The following AVEN variants were observed in gnomAD, a reference collection of about 807,000 sequenced individuals.
AVEN encodes the protein cell death regulator Aven.
AVEN carries 41 observed loss-of-function variants against 38.1 expected under a neutral mutation model. That is an observed-to-expected ratio of 1.08 (90% CI 0.84 to 1.40). The LOEUF is 1.40. AVEN is among the 40% of genes most tolerant of loss of function. The probability of loss-of-function intolerance (pLI) is 0.00; values close to 1 mark genes in which losing one functional copy is unlikely to be tolerated. For missense variants in AVEN, 605 were observed against 438.8 expected, an observed-to-expected ratio of 1.38 and a Z score of -3.38; for synonymous variants, 206 against 171.8, an observed-to-expected ratio of 1.20 and a Z score of -1.56.
At chr15:34,067,487 A>C (rs1300520956) in intron 2 of AVEN, 2 of 152,232 alleles carry the variant, frequency 1.3e-5, no homozygotes, top group Non-Finnish European at 2.9e-5. Context: ...CATTTAAATA[A>C]GAAAATTGTT....
chr15:33,971,735 T>C (rs558469719), intron 2 of AVEN, among the ~76,000 whole-genome samples: 2 of 152,212 alleles, frequency 1.3e-5, no homozygotes, highest in East Asian at 1.9e-4. Context: ...TCCATTATAA[T>C]GGCACCGTGT....
In AVEN at chr15:34,063,910, A is replaced by T. The variant is rs1250967593; in HGVS notation, n.1127-478T>A. Reference sequence around the variant, plus strand: ...AACCAGGAGACCAACAATGGCTGTCACAAGGTGAAAATCATGCCCTGCCCC... The same window carrying T: ...AACCAGGAGACCAACAATGGCTGTCTCAAGGTGAAAATCATGCCCTGCCCC... On this transcript the variant is annotated intron_variant and non_coding_transcript_variant, in intron 4 of 11. Coordinates refer to the AVEN transcript ENST00000675287. The surrounding 1 kb of genome is among the most constrained non-coding windows in gnomAD (Gnocchi z 4.1). 1.9e-6 allele frequency: 3 copies of T among 1,614,210 alleles called. No homozygotes were observed. The highest frequency in any genetic ancestry group is 2.5e-6 in the Non-Finnish European group (3 of 1,180,038).
intron 2 of AVEN, among the ~76,000 whole-genome samples, chr15:33,916,705 T>C (rs1353658952): frequency 6.6e-6 from 1 of 152,168 alleles, no homozygotes; most frequent in Non-Finnish European, 1.5e-5. Flanking sequence ...GGCATGGATG[T>C]GGTGAAAAGG....
At chr15:34,011,540 T>G (rs908333566) in intron 1 of AVEN, among the ~76,000 whole-genome samples, 11 of 152,162 alleles carry the variant, frequency 7.2e-5, no homozygotes, top group African/African-American at 2.4e-4. Flanking sequence ...CACATGATAG[T>G]CAAATTCAAC....
chr15:34,071,241 A>G (rs1597399135), intron 1 of AVEN, among the ~76,000 whole-genome samples: 1 of 152,058 alleles, frequency 6.6e-6, no homozygotes, highest in East Asian at 1.9e-4. Flanking sequence ...CTCATACTCA[A>G]CTCACTTACC....
At chr15:33,961,627 C>A (rs867342300) in intron 2 of AVEN, among the ~76,000 whole-genome samples, 5 of 151,276 alleles carry the variant, frequency 3.3e-5, no homozygotes. Flanking sequence ...TTCTGGCTAA[C>A]ACGGTGAAAC....
At chr15:33,988,048 G>A (rs544772569) in intron 2 of AVEN, among the ~76,000 whole-genome samples, 4 of 152,220 alleles carry the variant, frequency 2.6e-5, no homozygotes, top group Non-Finnish European at 4.4e-5. Context: ...GCCTCACAGT[G>A]CAGTGCCCTG....
intron 2 of AVEN, among the ~76,000 whole-genome samples, chr15:33,912,086 T>G (rs371138015): frequency 2.0e-5 from 3 of 152,354 alleles, no homozygotes; most frequent in African/African-American, 7.2e-5. Flanking sequence ...ATCAAAGAGA[T>G]ATGTTTAACT....
intron 2 of AVEN, among the ~76,000 whole-genome samples, chr15:34,002,258 A>G (rs1438337723): frequency 6.6e-6 from 1 of 152,196 alleles, no homozygotes; most frequent in African/African-American, 2.4e-5. Flanking sequence ...CGCAGTCAAG[A>G]TACTAATCAG....
chr15:34,061,015 CAAA>C (rs1381204975), intron 5 of AVEN, among the ~76,000 whole-genome samples: 7 of 78,296 alleles, frequency 8.9e-5, no homozygotes, highest in African/African-American at 4.7e-5. Flanking sequence ...GACTCCGTCT[CAAA>C]AAAAAAAAAA....
chr15:33,897,572 G>T (rs1326277130), intron 2 of AVEN, among the ~76,000 whole-genome samples: 1 of 152,004 alleles, frequency 6.6e-6, no homozygotes, highest in African/African-American at 2.4e-5. Flanking sequence ...GCCCGGCCAT[G>T]AATTTATTTT....
intron 2 of AVEN, among the ~76,000 whole-genome samples, chr15:34,068,672 A>C (rs1036471146): frequency 3.3e-5 from 5 of 152,328 alleles, no homozygotes; most frequent in African/African-American, 1.2e-4. Context: ...GTTCATTATA[A>C]AAATTTATTT....
chr15:33,992,966 C>T (rs969275389), intron 2 of AVEN, among the ~76,000 whole-genome samples: 1 of 152,188 alleles, frequency 6.6e-6, no homozygotes, highest in Non-Finnish European at 1.5e-5. Context: ...CTGGTTATTT[C>T]GTTTTTATTT....
At chr15:33,920,855 C>T (rs1893367417) in intron 2 of AVEN, among the ~76,000 whole-genome samples, 1 of 152,080 alleles carries the variant, frequency 6.6e-6, no homozygotes, top group South Asian at 2.1e-4. Flanking sequence ...CTGACTGCAG[C>T]TTCTGCCTCC....
At chr15:33,899,299 T>C (rs1191463597) in intron 2 of AVEN, among the ~76,000 whole-genome samples, 1 of 152,112 alleles carries the variant, frequency 6.6e-6, no homozygotes, top group African/African-American at 2.4e-5. Flanking sequence ...ATTTTCTTCA[T>C]TGATCCAGCT....
chr15:34,063,921 A>T lies in AVEN; in HGVS notation n.1127-489T>A. On this transcript the variant is annotated intron_variant and non_coding_transcript_variant, in intron 4 of 11. Coordinates refer to the AVEN transcript ENST00000675287. This position sits in a 1 kb window ranked among gnomAD's most constrained non-coding sequence, Gnocchi z 4.1. ...CAACAATGGCTGTCACAAGGTGAAA[A>T]TCATGCCCTGCCCCTTCCCAGTGGC... 3.1e-6 allele frequency: 5 copies of T among 1,614,176 alleles called. No individual in the cohort carries two copies. The highest frequency in any genetic ancestry group is 4.2e-6 in the Non-Finnish European group (5 of 1,180,042).
chr15:33,952,725 C>T (rs1179687153), intron 2 of AVEN, among the ~76,000 whole-genome samples: 3 of 152,024 alleles, frequency 2.0e-5, no homozygotes, highest in Non-Finnish European at 4.4e-5. Flanking sequence ...AGGAAAACAG[C>T]ATGGACAAGA....
At chr15:34,040,719 G>A (rs1353374309), upstream of AVEN, among the ~76,000 whole-genome samples, 2 of 151,898 alleles carry the variant, frequency 1.3e-5, no homozygotes, top group Non-Finnish European at 2.9e-5. Context: ...CCTGAGACAT[G>A]AGTTCAAGAT....
chr15:33,944,338 A>G (rs1356371074), intron 2 of AVEN, among the ~76,000 whole-genome samples: 1 of 152,224 alleles, frequency 6.6e-6, no homozygotes, highest in African/African-American at 2.4e-5. Flanking sequence ...GACCTAGTTC[A>G]GTGCCGGCAA....
Sources: gnomAD v4.1 joint callset for allele counts (sites outside exome capture counted in the v4.1 genomes callset) on GRCh38, gnomAD v4.1.1 for gene constraint, Gnocchi (gnomAD v3.1) non-coding constraint, MANE v1.5 for transcripts, NCBI Gene and HGNC (gene_info 2026-07-23, HGNC 2026-07-21) for gene names.